LPA: variants seen among roughly 807,000 people sequenced by gnomAD.
LPA encodes apolipoprotein(a).
LPA carries 199 observed loss-of-function variants against 197.9 expected under a neutral mutation model. The ratio of observed to expected loss-of-function variants is 1.01; its 90% CI spans 0.90 to 1.13. LPA has a LOEUF of 1.13. Ranked by LOEUF, LPA falls within the 50% of genes most tolerant of loss-of-function variation. LPA has a pLI of 0.00. For missense variants in LPA, 1,853 were observed against 1,785.8 expected, an observed-to-expected ratio of 1.04 and a Z score of -0.68; for synonymous variants, 715 against 639.5, an observed-to-expected ratio of 1.12 and a Z score of -1.78.
chr6:160,660,067 T>A lies in LPA; in HGVS notation c.49+4099A>T, dbSNP rs2115112455. Among the ~76,000 whole-genome samples, 4 of 152,366 alleles carry A rather than the reference T, an allele frequency of 2.6e-5. No individual in the cohort carries two copies. In the South Asian group the frequency reaches 8.3e-4, roughly 32 times the overall value. On this transcript the variant is annotated intron_variant, in intron 1 of 38. Transcript: ENST00000316300. ...ATTATTAAGAATACAAGAAGTACAATGTTTCTTGTTTCTTTAACACCTGTG... is the reference window on the plus strand; with the variant it reads ...ATTATTAAGAATACAAGAAGTACAAAGTTTCTTGTTTCTTTAACACCTGTG...
intron 14 of LPA, among the ~76,000 whole-genome samples, chr6:160,615,382 G>GTAGCTCAT (rs1779578598): frequency 1.5e-5 from 2 of 129,328 alleles, no homozygotes; most frequent in Admixed American, 7.4e-5. Flanking sequence ...GTGTGTGTGT[G>GTAGCTCAT]TGTAGCTCAT....
intron 26 of LPA, among the ~76,000 whole-genome samples, chr6:160,584,509 T>A (rs1778869687): frequency 6.6e-6 from 1 of 151,828 alleles, no homozygotes; most frequent in African/African-American, 2.4e-5. Context: ...TTTTTTAATT[T>A]TTCGTAGAGA....
At chr6:160,607,378 C>T (rs1225552445) in intron 16 of LPA, among the ~76,000 whole-genome samples, 1 of 152,128 alleles carries the variant, frequency 6.6e-6, no homozygotes, top group Non-Finnish European at 1.5e-5. Flanking sequence ...TTCTCTCCTG[C>T]TCTCAGTCTA....
In LPA at chr6:160,578,628, T is replaced by A; in HGVS notation, c.4366A>T (p.Arg1456Trp). The change falls in exon 27 of 39, where the codon AGG becomes TGG. Residue 1456 changes from arginine to tryptophan, a missense_variant. Transcript: ENST00000316300. ...PWCYTMDPSV[R>W]WEYCNLTRCP... ...CGTGTCAGGTTGCAGTACTCCCACCTGACACTGGGATCCATGGTGTAACAC... is the reference window on the plus strand; with the variant it reads ...CGTGTCAGGTTGCAGTACTCCCACCAGACACTGGGATCCATGGTGTAACAC... 6.2e-7 allele frequency: 1 copy of A among 1,614,022 alleles called. No individual in the cohort carries two copies. The highest frequency in any genetic ancestry group is 8.5e-7 in the Non-Finnish European group (1 of 1,179,932).
At chr6:160,547,708 T>C (rs1335657471) in intron 32 of LPA, 81 bp downstream of exon 32, 1 of 1,593,178 alleles carries the variant, frequency 6.3e-7, no homozygotes, top group South Asian at 1.1e-5. Context: ...CTGAAGTCTT[T>C]CCAGTATTTT....
chr6:160,585,303 A>G (rs1778889739), intron 25 of LPA, 98 bp from the exon 26 acceptor site: 4 of 1,112,370 alleles, frequency 3.6e-6, no homozygotes, highest in Admixed American at 3.4e-5. Context: ...AGGATTAACA[A>G]TTTACACTCT....
At chr6:160,620,904 TTGTG>T (rs768320991) in intron 12 of LPA, among the ~76,000 whole-genome samples, 130 of 36,820 alleles carry the variant, frequency 3.5e-3, no homozygotes, top group African/African-American at 0.011. Context: ...TGTTTTCAGT[TTGTG>T]TGTGTGTGTG....
At position 160,545,162 on chromosome 6, in the gene LPA, G is replaced by A. The variant is rs548910680; in HGVS notation, c.5398+278C>T. Among the ~76,000 whole-genome samples the A allele has an allele frequency of 9.9e-5, 15 of 152,064 alleles. No individual in the cohort carries two copies. The South Asian group carries it at 2.7e-3, about 27-fold the overall frequency. On this transcript the variant is annotated intron_variant, in intron 33 of 38. Coordinates refer to ENST00000316300, the MANE Select transcript of LPA (RefSeq NM_005577.4). ...AAGAAGGGTTCGGTGGGACTATCCC[G>A]GGCTGATTAGATCACCTCTAAGTTT...
chr6:160,586,243 T>G (rs1489576660), intron 25 of LPA, among the ~76,000 whole-genome samples: 3 of 152,136 alleles, frequency 2.0e-5, no homozygotes, highest in Admixed American at 1.3e-4. Flanking sequence ...TCTGTGCCCC[T>G]TTTAAAGACA....
At chr6:160,553,935 C>CTGTGTGTG (rs1294838247) in intron 30 of LPA, among the ~76,000 whole-genome samples, 17 of 70,956 alleles carry the variant, frequency 2.4e-4, no homozygotes, top group African/African-American at 5.8e-4. Context: ...CTCTCTCTCT[C>CTGTGTGTG]TCTGTGTGTG....
At chr6:160,663,557 G>A (rs536630980) in intron 1 of LPA, among the ~76,000 whole-genome samples, 31 of 152,242 alleles carry the variant, frequency 2.0e-4, no homozygotes, top group African/African-American at 7.2e-4. Context: ...ATAAAAATGT[G>A]GGGACCTAAC....
chr6:160,634,649 A>G (rs1282877829), intron 7 of LPA, among the ~76,000 whole-genome samples: 2 of 151,368 alleles, frequency 1.3e-5, no homozygotes, highest in Non-Finnish European at 1.5e-5. Context: ...ATACTGCTCC[A>G]TAGACCCAGG....
intron 26 of LPA, among the ~76,000 whole-genome samples, chr6:160,580,939 T>TCAGACAGCCACAGGTCATGAATGTGAGGA (rs1778782578): frequency 7.9e-5 from 12 of 152,172 alleles, no homozygotes; most frequent in Non-Finnish European, 1.3e-4. Flanking sequence ...ATTTGTTTTC[T>TCAGACAGCCACAGGTCATGAATGTGAGGA]TTTACAGTTA....
intron 16 of LPA, among the ~76,000 whole-genome samples, chr6:160,608,900 G>A (rs529536413): frequency 6.6e-6 from 1 of 151,888 alleles, no homozygotes; most frequent in East Asian, 1.9e-4. Context: ...ATATATGTGT[G>A]TAGTTGGTTC....
chr6:160,576,668 GTT>G (rs1462646532), intron 28 of LPA, among the ~76,000 whole-genome samples: 8 of 74,184 alleles, frequency 1.1e-4, no homozygotes, highest in African/African-American at 4.7e-4. Context: ...ATATTCAGAT[GTT>G]TGTGTGTGTG....
At chr6:160,588,455 G>A (rs1778958955) in intron 24 of LPA, among the ~76,000 whole-genome samples, 1 of 152,100 alleles carries the variant, frequency 6.6e-6, no homozygotes, top group African/African-American at 2.4e-5. Context: ...CCTCTGAGTG[G>A]TCAGAATTCA....
intron 28 of LPA, among the ~76,000 whole-genome samples, chr6:160,564,880 A>C (rs1778423842): frequency 6.6e-6 from 1 of 152,204 alleles, no homozygotes; most frequent in African/African-American, 2.4e-5. Flanking sequence ...TCCCATGCCC[A>C]CAGAGCCTTG....
At chr6:160,580,796 A>G (rs1778780446) in intron 26 of LPA, among the ~76,000 whole-genome samples, 1 of 152,160 alleles carries the variant, frequency 6.6e-6, no homozygotes, top group Non-Finnish European at 1.5e-5. Flanking sequence ...ATGTTTCTAT[A>G]CTCTGGATAC....
At position 160,611,477 on chromosome 6, in the gene LPA, C is replaced by T. The variant is rs941234374; in HGVS notation, c.2603+85G>A. On this transcript the variant is annotated intron_variant, in intron 16 of 38. Transcript: ENST00000316300. ...ATCTGAATCTGACACAAGTTGAGTT[C>T]GGAGAACTCAGCTTGAAGCATGTCT... is the stretch of plus-strand genomic sequence containing the variant. 113 of 1,573,768 alleles carry T rather than the reference C, an allele frequency of 7.2e-5. 2 individuals carry two copies. Among genetic ancestry groups the T allele is most frequent in the African/African-American group, 3.6e-4 (27 of 74,026 alleles).
Sources: gnomAD v4.1 joint callset for allele counts (sites outside exome capture counted in the v4.1 genomes callset) on GRCh38, gnomAD v4.1.1 for gene constraint, MANE v1.5 for transcripts, NCBI Gene and HGNC (gene_info 2026-07-23, HGNC 2026-07-21) for gene names.